The following KCNMA1 variants were observed in gnomAD, a reference collection of about 807,000 sequenced individuals.
KCNMA1 encodes Calcium-activated potassium channel subunit alpha-1.
In KCNMA1, 29 loss-of-function variants were observed where a neutral mutation model predicts 140.0. The observed-to-expected ratio is 0.21, with a 90% confidence interval of 0.15 to 0.28. KCNMA1 has a LOEUF of 0.28. Among genes scored for constraint, KCNMA1 ranks in the 10% least tolerant of loss-of-function variants. The pLI is 1.00. For synonymous variants in KCNMA1, 612 were observed against 611.9 expected (o/e 1.00, Z 0.00); for missense variants, 880 against 1,602.2 (o/e 0.55, Z 7.70).
intron 1 of KCNMA1, among the ~76,000 whole-genome samples, chr10:77,487,054 C>A (rs1171462583): frequency 6.6e-6 from 1 of 152,172 alleles, no homozygotes; most frequent in African/African-American, 2.4e-5. Flanking sequence ...CAGCAGTGTT[C>A]CCCATAAACT....
At chr10:77,471,664 A>C (rs1053842042) in intron 1 of KCNMA1, among the ~76,000 whole-genome samples, 34 of 148,482 alleles carry the variant, frequency 2.3e-4, no homozygotes, top group Admixed American at 1.8e-3. Flanking sequence ...ATCACACACT[A>C]CACACACACA....
At chr10:77,482,989 CAT>C (rs777254827) in intron 1 of KCNMA1, among the ~76,000 whole-genome samples, 15 of 43,160 alleles carry the variant, frequency 3.5e-4, no homozygotes, top group Non-Finnish European at 4.3e-4. Context: ...CTCTCTCTCA[CAT>C]ACACACACAC....
At chr10:77,006,292 A>T (rs2088583340) in intron 18 of KCNMA1, among the ~76,000 whole-genome samples, 1 of 152,064 alleles carries the variant, frequency 6.6e-6, no homozygotes, top group Admixed American at 6.6e-5. Flanking sequence ...GGGATGGAAG[A>T]AAAAAAACAT....
At chr10:77,439,095 G>GAGA (rs2097329802) in intron 1 of KCNMA1, among the ~76,000 whole-genome samples, 1 of 112,686 alleles carries the variant, frequency 8.9e-6, no homozygotes, top group Non-Finnish European at 1.9e-5. Flanking sequence ...GAAAAGAGAA[G>GAGA]AGAAGAGAAG....
chr10:77,613,823 T>A (rs2088098399), intron 1 of KCNMA1, among the ~76,000 whole-genome samples: 1 of 152,096 alleles, frequency 6.6e-6, no homozygotes, highest in Admixed American at 6.6e-5. Context: ...AGGAGATGGA[T>A]GGGGTAGAGA....
chr10:77,005,280 T>C (rs2088062270), intron 18 of KCNMA1, among the ~76,000 whole-genome samples: 1 of 152,186 alleles, frequency 6.6e-6, no homozygotes, highest in Admixed American at 6.5e-5. Context: ...CCACAGCAGA[T>C]GATTAGGGGT....
intron 1 of KCNMA1, chr10:77,636,215 C>G (rs565211029): frequency 7.0e-7 from 1 of 1,428,614 alleles, no homozygotes; most frequent in African/African-American, 1.4e-5. Flanking sequence ...CCAGTTCTTT[C>G]TTTTTTATTC....
Position 77,042,561 on chromosome 10 carries a change from GTGT to G in KCNMA1, c.1750-2927_1750-2925del, listed in dbSNP as rs200410921. ...CTTTTCATATGTGTTCTTTTATAAT[GTGT>G]TGTTTATGGTCTAATTTAAATACAA... On this transcript the variant is annotated intron_variant, in intron 14 of 27. Coordinates refer to ENST00000286628, the MANE Select transcript of KCNMA1 (RefSeq NM_001161352.2). Among the ~76,000 whole-genome samples the G allele has an allele frequency of 6.3e-3, 964 of 152,194 alleles. 8 individuals carry two copies. The highest frequency in any genetic ancestry group is 0.02 in the African/African-American group (848 of 41,518).
At chr10:77,597,269 C>A (rs1238376401) in intron 1 of KCNMA1, among the ~76,000 whole-genome samples, 1 of 152,084 alleles carries the variant, frequency 6.6e-6, no homozygotes, top group Non-Finnish European at 1.5e-5. Flanking sequence ...TCTCATCTCT[C>A]CTGCCTCAGG....
In KCNMA1 at chr10:77,489,801, T is replaced by C. The variant is rs534437768; in HGVS notation, c.379-85778A>G. Among the ~76,000 whole-genome samples, 3 of 152,348 alleles carry C rather than the reference T, an allele frequency of 2.0e-5. No individual in the cohort carries two copies. In the South Asian group the frequency reaches 6.2e-4, roughly 32 times the overall value. The stretch of plus-strand genomic sequence containing the variant: ...TCATTCACATGGGTGAGGTTGATAA[T>C]TTACTTCACAGGTGAGATGACAGTA... On this transcript the variant is annotated intron_variant, in intron 1 of 27. Transcript: ENST00000286628.
At chr10:77,206,818 G>GC (rs2044287309) in intron 3 of KCNMA1, among the ~76,000 whole-genome samples, 1 of 151,042 alleles carries the variant, frequency 6.6e-6, no homozygotes, top group African/African-American at 2.4e-5. Flanking sequence ...AGGGAGGGAG[G>GC]GGGGGGCGGG....
chr10:76,952,088 C>T, intron 21 of KCNMA1: 1 of 1,552,204 alleles, frequency 6.4e-7, no homozygotes, highest in Non-Finnish European at 8.7e-7. Context: ...TATCAGTTGG[C>T]ATGCATACTA....
chr10:77,179,480 G>C (rs1053999905), intron 5 of KCNMA1, among the ~76,000 whole-genome samples: 9 of 152,070 alleles, frequency 5.9e-5, no homozygotes, highest in East Asian at 1.9e-4. Context: ...GGAAAGAGGA[G>C]CCAGGAGAAC....
intron 3 of KCNMA1, among the ~76,000 whole-genome samples, chr10:77,224,627 T>C (rs2154194152): frequency 6.6e-6 from 1 of 152,314 alleles, no homozygotes; most frequent in East Asian, 1.9e-4. Context: ...CTTACCCTGC[T>C]GAAGTGCTGA....
chr10:77,413,446 G>T (rs1052419469), intron 1 of KCNMA1, among the ~76,000 whole-genome samples: 6 of 152,076 alleles, frequency 3.9e-5, no homozygotes, highest in African/African-American at 1.4e-4. Context: ...CATTCTCCCA[G>T]GTACCAATAA....
Position 77,027,911 on chromosome 10 carries a change from C to G in KCNMA1, c.1860-20G>C, listed in dbSNP as rs200414751. On this transcript the variant is annotated intron_variant, in intron 15 of 27. Coordinates refer to ENST00000286628, the MANE Select transcript of KCNMA1 (RefSeq NM_001161352.2). ...CACAGCCTGCAATGAGATGGAGAAG[C>G]CTCCCAATCAGTTCTTCTGAATGAC... 6.8e-6 allele frequency: 11 copies of G among 1,607,816 alleles called. No individual in the cohort carries two copies. Among genetic ancestry groups the G allele is most frequent in the East Asian group, 2.2e-5 (1 of 44,834 alleles).
intron 3 of KCNMA1, 108 bp downstream of exon 3, chr10:77,251,087 C>T (rs776960143): frequency 1.6e-5 from 14 of 868,714 alleles, no homozygotes; most frequent in Admixed American, 3.6e-5. Flanking sequence ...AAATCTTCTG[C>T]ACTCAGAAGG....
intron 14 of KCNMA1, among the ~76,000 whole-genome samples, chr10:77,059,923 C>T (rs1011162887): frequency 3.3e-5 from 5 of 152,098 alleles, no homozygotes; most frequent in African/African-American, 9.7e-5. Context: ...TACATACCAC[C>T]AATGAACAAT....
intron 5 of KCNMA1, among the ~76,000 whole-genome samples, chr10:77,142,418 A>T (rs2098198491): frequency 1.3e-5 from 2 of 152,020 alleles, no homozygotes; most frequent in Non-Finnish European, 2.9e-5. Context: ...AAAAAGAAAA[A>T]GGAAAAACCC....
Sources: gnomAD v4.1 joint callset for allele counts (sites outside exome capture counted in the v4.1 genomes callset) on GRCh38, gnomAD v4.1.1 for gene constraint, MANE v1.5 for transcripts, NCBI Gene and HGNC (gene_info 2026-07-23, HGNC 2026-07-21) for gene names.